Variants in APBB2 observed in about 807,000 individuals in gnomAD.
APBB2 encodes the protein amyloid beta precursor protein binding family B member 2, also known as Fe65-like 1.
A neutral mutation model predicts 82.5 loss-of-function variants in APBB2; 38 were observed. The observed-to-expected ratio is 0.46, with a 90% CI of 0.36 to 0.60. The LOEUF (loss-of-function observed/expected upper bound fraction) is 0.60. Among genes scored for constraint, APBB2 ranks in the 20% least tolerant of loss-of-function variants. APBB2 has a pLI of 0.00. For synonymous variants in APBB2, 341 were observed against 368.2 expected (o/e 0.93, Z 0.85); for missense variants, 772 against 972.3 (o/e 0.79, Z 2.74).
At chr4:40,938,377 T>G (rs768817878) in intron 7 of APBB2, among the ~76,000 whole-genome samples, 5 of 152,184 alleles carry the variant, frequency 3.3e-5, no homozygotes, top group Non-Finnish European at 5.9e-5. Context: ...TCAAAACCCT[T>G]GAGCACCACA....
chr4:40,824,106 C>T (rs534810790), intron 15 of APBB2, among the ~76,000 whole-genome samples: 16 of 152,046 alleles, frequency 1.1e-4, no homozygotes, highest in South Asian at 6.2e-4. Context: ...GAGCTGAGAT[C>T]GCACCACTGC....
At position 40,886,114 on chromosome 4, in the gene APBB2, T is replaced by C. The variant is rs192429864; in HGVS notation, c.1529+4250A>G. Reference sequence around the variant, plus strand: ...AAGTACACAAGGATCTCTGTGCCCCTACCCAGAAGATAAGCCTCCATCAAC... The same window carrying C: ...AAGTACACAAGGATCTCTGTGCCCCCACCCAGAAGATAAGCCTCCATCAAC... On this transcript the variant is annotated intron_variant, in intron 12 of 17. Transcript: ENST00000508593. 1.0e-3 allele frequency among the ~76,000 whole-genome samples: 154 copies of C among 152,354 alleles called. 1 individual carries two copies. The highest frequency in any genetic ancestry group is 3.6e-3 in the African/African-American group (149 of 41,590).
intron 6 of APBB2, among the ~76,000 whole-genome samples, chr4:40,996,984 C>A (rs1803803962): frequency 6.6e-6 from 1 of 152,098 alleles, no homozygotes; most frequent in Non-Finnish European, 1.5e-5. Context: ...AACCATCAAG[C>A]CTCCCAGATA....
intron 12 of APBB2, among the ~76,000 whole-genome samples, chr4:40,837,702 T>C (rs879501872): frequency 1.3e-4 from 20 of 152,210 alleles, no homozygotes; most frequent in Non-Finnish European, 2.6e-4. Context: ...CTGCTGCCCA[T>C]ACATGGAGTC....
chr4:40,846,326 CAAAAA>C (rs3086182), intron 12 of APBB2, among the ~76,000 whole-genome samples: 2 of 62,516 alleles, frequency 3.2e-5, no homozygotes, highest in East Asian at 5.1e-4. Context: ...GAAAACACTC[CAAAAA>C]AAAAAAAAAA....
At chr4:40,924,553 T>TA (rs1222584165) in intron 10 of APBB2, among the ~76,000 whole-genome samples, 1 of 152,040 alleles carries the variant, frequency 6.6e-6, no homozygotes, top group African/African-American at 2.4e-5. Flanking sequence ...GGACACCAGG[T>TA]AAAAAGTACA....
chr4:41,038,705 C>T (rs1269393629), intron 4 of APBB2, among the ~76,000 whole-genome samples: 1 of 152,216 alleles, frequency 6.6e-6, no homozygotes, highest in African/African-American at 2.4e-5. Context: ...AAACCCAATA[C>T]TCCCTTTCTA....
At chr4:41,179,832 A>G (rs973095739) in intron 1 of APBB2, among the ~76,000 whole-genome samples, 2 of 152,242 alleles carry the variant, frequency 1.3e-5, no homozygotes, top group Non-Finnish European at 2.9e-5. Flanking sequence ...AGAACTACAA[A>G]GGGTTAATAA....
chr4:41,110,639 A>C (rs1336320360), intron 2 of APBB2, among the ~76,000 whole-genome samples: 1 of 150,908 alleles, frequency 6.6e-6, no homozygotes, highest in Admixed American at 6.6e-5. Context: ...TTTTATCCTT[A>C]TCATGTACTG....
At chr4:40,817,558 T>C (rs148553599) in intron 17 of APBB2, among the ~76,000 whole-genome samples, 3 of 152,258 alleles carry the variant, frequency 2.0e-5, no homozygotes, top group African/African-American at 7.2e-5. Flanking sequence ...GAGGGCAGAC[T>C]TCTCCTATGC....
intron 1 of APBB2, among the ~76,000 whole-genome samples, chr4:41,210,835 T>C (rs1333162626): frequency 1.3e-5 from 2 of 152,264 alleles, no homozygotes; most frequent in Admixed American, 6.5e-5. Flanking sequence ...TAAAGCTCTA[T>C]TGCTGTGAAA....
intron 1 of APBB2, among the ~76,000 whole-genome samples, chr4:41,204,062 C>T (rs1031694823): frequency 6.6e-6 from 1 of 152,126 alleles, no homozygotes; most frequent in South Asian, 2.1e-4. Flanking sequence ...AATGTTTAAG[C>T]TACTTCCTGA....
chr4:41,122,490 T>C (rs1041505358), intron 2 of APBB2, among the ~76,000 whole-genome samples: 5 of 152,138 alleles, frequency 3.3e-5, no homozygotes, highest in African/African-American at 9.7e-5. Flanking sequence ...CTAGAGTCCA[T>C]TGTCTTCCCA....
intron 7 of APBB2, among the ~76,000 whole-genome samples, chr4:40,942,487 T>A (rs570646533): frequency 6.6e-6 from 1 of 152,312 alleles, no homozygotes; most frequent in African/African-American, 2.4e-5. Flanking sequence ...CTTAACTCAT[T>A]GAGTCTCAGT....
At chr4:40,911,768 CAA>C (rs879272983) in intron 10 of APBB2, among the ~76,000 whole-genome samples, 14,438 of 152,258 alleles carry the variant, frequency 0.095, 780 homozygotes, top group Middle Eastern at 0.16. Context: ...GGTCCCAGAC[CAA>C]CACCTAGGGG....
intron 4 of APBB2, among the ~76,000 whole-genome samples, chr4:41,035,868 G>C (rs767715545): frequency 1.2e-4 from 18 of 152,148 alleles, no homozygotes; most frequent in Non-Finnish European, 2.2e-4. Flanking sequence ...GTAATCTAGA[G>C]TTGATTTAAG....
At chr4:41,066,234 A>G (rs1263012368) in intron 3 of APBB2, among the ~76,000 whole-genome samples, 1 of 152,196 alleles carries the variant, frequency 6.6e-6, no homozygotes, top group East Asian at 1.9e-4. Flanking sequence ...AATACACCAG[A>G]TGAAAAACCA....
rs747820465 is a variant in APBB2, at chr4:40,934,438, A to C, written c.1254+18T>G. 1 of 1,611,910 alleles carries C rather than the reference A, an allele frequency of 6.2e-7. No homozygotes were observed. Among genetic ancestry groups the C allele is most frequent in the Admixed American group, 1.7e-5 (1 of 60,016 alleles). ...TCTAAGAATATAACCTGGTGGCTGA[A>C]AGCAAGTCTTTACAAACCTTGGCTT... On this transcript the variant is annotated intron_variant, in intron 10 of 17. Coordinates refer to ENST00000508593, the MANE Select transcript of APBB2 (RefSeq NM_004307.2).
chr4:41,065,453 C>G lies in APBB2; in HGVS notation c.-51+123G>C, dbSNP rs565408141. On this transcript the variant is annotated intron_variant, in intron 4 of 17. Coordinates refer to ENST00000508593, the MANE Select transcript of APBB2 (RefSeq NM_004307.2). Reference sequence around the variant, plus strand: ...AAAACTTACCCTAGAGCAATCCATTCTCTTGTATTTCTAAACATCCTTATT... The same window carrying G: ...AAAACTTACCCTAGAGCAATCCATTGTCTTGTATTTCTAAACATCCTTATT... The G allele has an allele frequency of 3.9e-5, 6 of 152,302 alleles. No individual in the cohort carries two copies. The South Asian group carries it at 6.2e-4, about 16-fold the overall frequency. The allele number at this position is 152,302 out of a possible 1,614,324, so 9.4% of individuals were successfully genotyped here.
Sources: allele counts gnomAD v4.1 joint callset (sites outside exome capture counted in the v4.1 genomes callset), GRCh38; gene constraint gnomAD v4.1.1; transcripts MANE v1.5; gene names NCBI Gene and HGNC (gene_info 2026-07-23, HGNC 2026-07-21).